The following RIC1 variants were observed in gnomAD, a reference collection of about 807,000 sequenced individuals.
RIC1 encodes RIC1 partner of RAB6A GEF complex, also known as guanine nucleotide exchange factor subunit RIC1.
A neutral mutation model predicts 169.0 loss-of-function variants in RIC1; 88 were observed. The observed-to-expected ratio is 0.52, with a 90% confidence interval of 0.44 to 0.62. The LOEUF is 0.62. Ranked by LOEUF, RIC1 falls within the 20% of genes least tolerant of loss-of-function variation. The probability of loss-of-function intolerance (pLI) is 0.00; values close to 1 mark genes in which losing one functional copy is unlikely to be tolerated. For synonymous variants in RIC1, 790 were observed against 601.5 expected (o/e 1.31, Z -4.59); for missense variants, 1,877 against 1,725.5 (o/e 1.09, Z -1.56).
chr9:5,651,558 C>CTTTTTTTTTT (rs58654916), intron 1 of RIC1, among the ~76,000 whole-genome samples: 14 of 107,838 alleles, frequency 1.3e-4, no homozygotes, highest in East Asian at 6.9e-4. Flanking sequence ...AGTCTTTAAT[C>CTTTTTTTTTT]TTTTTTTTTT....
intron 8 of RIC1, among the ~76,000 whole-genome samples, chr9:5,739,379 C>T (rs904174995): frequency 6.6e-6 from 1 of 152,182 alleles, no homozygotes; most frequent in Non-Finnish European, 1.5e-5. Flanking sequence ...TCAATAAATT[C>T]AGCCTGATCC....
chr9:5,665,705 T>C (rs1481330644), intron 2 of RIC1, among the ~76,000 whole-genome samples: 2 of 152,182 alleles, frequency 1.3e-5, no homozygotes, highest in Non-Finnish European at 2.9e-5. Flanking sequence ...CTGCTGCCAT[T>C]TGTGGGGGTC....
At chr9:5,705,191 T>G (rs891597073) in intron 3 of RIC1, among the ~76,000 whole-genome samples, 1 of 125,158 alleles carries the variant, frequency 8.0e-6, no homozygotes, top group African/African-American at 3.3e-5. Flanking sequence ...TTCCCATTTC[T>G]GTTTTTTTTT....
intron 12 of RIC1, among the ~76,000 whole-genome samples, chr9:5,748,984 A>C (rs1336460547): frequency 6.6e-6 from 1 of 152,224 alleles, no homozygotes; most frequent in Admixed American, 6.5e-5. Context: ...AAATAATGCC[A>C]CATTGATTGT....
In RIC1 at chr9:5,741,481, T is replaced by A. The variant is rs144007311; in HGVS notation, c.902-1388T>A. 1.1e-4 allele frequency among the ~76,000 whole-genome samples: 16 copies of A among 152,304 alleles called. No individual in the cohort carries two copies. In the East Asian group the frequency reaches 3.1e-3, roughly 29 times the overall value. On this transcript the variant is annotated intron_variant, in intron 8 of 25. Coordinates refer to ENST00000414202, the MANE Select transcript of RIC1 (RefSeq NM_020829.4). ...TTTTTTCCATGTTTCTTAACCTAAC[T>A]TTAAATTTTTTAAAATTTTGTTTCT...
In RIC1 at chr9:5,745,968, G is replaced by T; in HGVS notation, c.1133G>T (p.Ser378Ile). ...GAAGGCTATCACCTATGGGTAATCA[G>T]CGGATTTGGTTCTCAAAACACTGAA... ...GAEGYHLWVI[S>I]GFGSQNTEIE... Residue 378 changes from serine to isoleucine, a missense_variant, in exon 11 of 26, where the codon AGC becomes ATC. Coordinates refer to ENST00000414202, the MANE Select transcript of RIC1 (RefSeq NM_020829.4). 1 of 1,613,670 alleles carries T rather than the reference G, an allele frequency of 6.2e-7. No homozygotes were observed.
In RIC1 at chr9:5,773,067, G is replaced by T. The variant is rs1344067945; in HGVS notation, c.3970G>T (p.Ala1324Ser). The change falls in exon 25 of 26, where the codon GCC becomes TCC. Residue 1324 changes from alanine to serine, a missense_variant. By Grantham distance (99) the Ala-to-Ser change is moderately conservative. This residue lies in a region of RIC1 where 681 missense variants were observed against 582.0 expected (regional missense o/e 1.17). Transcript: ENST00000414202. ...AGGGCTCCATGCAGTGGACCGATGG[G>T]CCTCTACAGACTGGTAAGTGCTGCT... The part of the protein sequence containing the change: ...KTGLHAVDRW[A>S]STDCPGYKPF... 3.1e-6 allele frequency: 5 copies of T among 1,609,046 alleles called. No homozygotes were observed. Among genetic ancestry groups the T allele is most frequent in the Non-Finnish European group, 4.2e-6 (5 of 1,177,466 alleles).
chr9:5,674,276 C>T (rs771749047), intron 2 of RIC1, among the ~76,000 whole-genome samples: 1 of 151,930 alleles, frequency 6.6e-6, no homozygotes, highest in Non-Finnish European at 1.5e-5. Flanking sequence ...AAAAATTTAA[C>T]AAAAATTCAT....
chr9:5,768,854 A>G, intron 21 of RIC1, 116 bp from the exon 22 acceptor site: 2 of 1,115,216 alleles, frequency 1.8e-6, no homozygotes, highest in Admixed American at 2.4e-5. Context: ...TGTCAATCAG[A>G]ATTAGATCTT....
At chr9:5,648,133 C>T (rs997245327) in intron 1 of RIC1, among the ~76,000 whole-genome samples, 1 of 151,998 alleles carries the variant, frequency 6.6e-6, no homozygotes, top group South Asian at 2.1e-4. Context: ...CAGGCGCCCG[C>T]CACCATACCC....
rs1827493705 is a variant in RIC1, at chr9:5,774,885, G to A, written c.*639G>A. The A allele has an allele frequency of 6.6e-6, 1 of 152,210 alleles. No homozygotes were observed. The highest frequency in any genetic ancestry group is 1.5e-5 in the Non-Finnish European group (1 of 68,050). 9.4% of individuals were successfully genotyped at this position (152,210 alleles called of 1,614,324 possible). On this transcript the variant is annotated 3_prime_UTR_variant, in exon 26 of 26. Transcript: ENST00000414202. ...AGCTTGATTCCCATTAGACCAATGT[G>A]GGCAGAGGTCTGAGGGGGTTCTTCT...
intron 2 of RIC1, among the ~76,000 whole-genome samples, chr9:5,661,430 A>T (rs1443071198): frequency 6.6e-6 from 1 of 152,142 alleles, no homozygotes; most frequent in Non-Finnish European, 1.5e-5. Context: ...TGGGTAGTAT[A>T]ACCATTTTCA....
At chr9:5,681,038 G>A (rs1038086895) in intron 2 of RIC1, among the ~76,000 whole-genome samples, 1 of 151,288 alleles carries the variant, frequency 6.6e-6, no homozygotes, top group Admixed American at 6.6e-5. Context: ...TTGTTAGCCA[G>A]GATGGTCTCG....
In RIC1 at chr9:5,753,531, AAC is replaced by A; in HGVS notation, c.1492-3_1492-2del. The stretch of plus-strand genomic sequence containing the variant: ...GGAAAAGTTCTTATTTTTTTTTTTA[AAC>A]AGTTTTCAGCTATTGATAAGCTTGG... On this transcript the variant is annotated splice_polypyrimidine_tract_variant and splice_region_variant and intron_variant, in intron 13 of 25. Coordinates refer to ENST00000414202, the MANE Select transcript of RIC1 (RefSeq NM_020829.4). 2 of 1,564,354 alleles carry A rather than the reference AAC, an allele frequency of 1.3e-6. No individual in the cohort carries two copies. The highest frequency in any genetic ancestry group is 1.7e-6 in the Non-Finnish European group (2 of 1,152,352).
At chr9:5,674,746 C>G (rs1451850767) in intron 2 of RIC1, among the ~76,000 whole-genome samples, 3 of 152,164 alleles carry the variant, frequency 2.0e-5, no homozygotes, top group Admixed American at 6.5e-5. Flanking sequence ...GATTACCATA[C>G]CCTCCTTCTC....
At chr9:5,673,816 T>C (rs1363406756) in intron 2 of RIC1, among the ~76,000 whole-genome samples, 2 of 151,936 alleles carry the variant, frequency 1.3e-5, no homozygotes, top group African/African-American at 4.8e-5. Context: ...GTTTAAAAAT[T>C]TACTCATTTC....
chr9:5,704,420 C>G (rs1200796518), intron 3 of RIC1, among the ~76,000 whole-genome samples: 2 of 152,036 alleles, frequency 1.3e-5, no homozygotes, highest in Non-Finnish European at 2.9e-5. Context: ...CTACATTGTT[C>G]AAGCTAGTCT....
Position 5,776,098 on chromosome 9 carries a change from T to G in RIC1, c.*1852T>G, listed in dbSNP as rs568228180. ...TTTTCAAGTATCTGAAATAAAACAC[T>G]GTGCTGCTGAGTTCATCTCAAACAT... is the stretch of plus-strand genomic sequence containing the variant. On this transcript the variant is annotated 3_prime_UTR_variant, in exon 26 of 26. Transcript: ENST00000414202. 7 of 152,294 alleles carry G rather than the reference T, an allele frequency of 4.6e-5. No individual in the cohort carries two copies. In the East Asian group the frequency reaches 1.2e-3, roughly 25 times the overall value. The allele number at this position is 152,294 out of a possible 1,614,324, so 9.4% of individuals were successfully genotyped here. A position where few individuals can be genotyped will look rare whatever the true frequency, so the allele number is the denominator to read the frequency against.
chr9:5,770,373 G>C, intron 23 of RIC1, 95 bp downstream of exon 23: 1 of 1,105,712 alleles, frequency 9.0e-7, no homozygotes, highest in Non-Finnish European at 1.3e-6. Flanking sequence ...TTTTTCTATC[G>C]TGATGGAGGA....
Sources: gnomAD v4.1 joint callset for allele counts (sites outside exome capture counted in the v4.1 genomes callset) on GRCh38, gnomAD v4.1.1 for gene constraint, gnomAD v4.1.1 regional missense constraint, MANE v1.5 for transcripts, NCBI Gene and HGNC (gene_info 2026-07-23, HGNC 2026-07-21) for gene names.